The following STXBP5L variants were observed in gnomAD, a reference collection of about 807,000 sequenced individuals.
STXBP5L encodes syntaxin binding protein 5L.
STXBP5L carries 65 observed loss-of-function variants against 144.5 expected under a neutral mutation model. The ratio of observed to expected loss-of-function variants is 0.45; its 90% confidence interval spans 0.37 to 0.55. The LOEUF is 0.55. STXBP5L is among the 20% of genes least tolerant of loss of function. The pLI is 0.00. For synonymous variants in STXBP5L, 505 were observed against 469.6 expected, an observed-to-expected ratio of 1.08 and a Z score of -0.97; for missense variants, 1,298 against 1,405.5, an observed-to-expected ratio of 0.92 and a Z score of 1.22.
At chr3:121,309,953 T>C (rs1251028849) in intron 19 of STXBP5L, among the ~76,000 whole-genome samples, 1 of 152,082 alleles carries the variant, frequency 6.6e-6, no homozygotes, top group African/African-American at 2.4e-5. Flanking sequence ...TTAATTATGA[T>C]AGTGTGGTAA....
intron 20 of STXBP5L, among the ~76,000 whole-genome samples, chr3:121,367,495 G>A (rs1225403642): frequency 6.6e-6 from 1 of 150,718 alleles, no homozygotes; most frequent in Non-Finnish European, 1.5e-5. Context: ...TTCATAATCA[G>A]CATCAAGGAT....
chr3:121,166,117 G>C (rs1294501377), intron 9 of STXBP5L, among the ~76,000 whole-genome samples: 1 of 151,986 alleles, frequency 6.6e-6, no homozygotes, highest in East Asian at 1.9e-4. Context: ...TTGGACTCAA[G>C]TGATACTCCC....
At chr3:121,228,364 T>C (rs2049188710) in intron 11 of STXBP5L, among the ~76,000 whole-genome samples, 1 of 152,136 alleles carries the variant, frequency 6.6e-6, no homozygotes, top group Non-Finnish European at 1.5e-5. Flanking sequence ...CATAAAATAA[T>C]TCAGACACAT....
rs762986990 is a variant in STXBP5L, at chr3:121,407,531, C to A, written c.2876C>A (p.Ala959Glu). The A allele has an allele frequency of 1.2e-6, 2 of 1,613,254 alleles. No homozygotes were observed. The highest frequency in any genetic ancestry group is 1.6e-4 in the Middle Eastern group (1 of 6,082). Reference protein sequence around the residue: ...NITETSFILQANVVVMCSSAC... With the variant: ...NITETSFILQENVVVMCSSAC... ...ACGGAGACATCTTTTATACTGCAAG[C>A]AAATGTGGTGGTCATGTGTAGCAGT... Residue 959 changes from alanine to glutamate, a missense_variant, in exon 23 of 27, where the codon GCA becomes GAA. By Grantham distance (107) the Ala-to-Glu change is moderately radical (BLOSUM62 -1). Transcript: ENST00000471454.
At chr3:121,052,633 A>C (rs1948108103) in intron 5 of STXBP5L, among the ~76,000 whole-genome samples, 1 of 152,212 alleles carries the variant, frequency 6.6e-6, no homozygotes, top group South Asian at 2.1e-4. Context: ...ACCCACAGTC[A>C]ATATCATATT....
chr3:121,160,578 G>A (rs944018789), intron 9 of STXBP5L, among the ~76,000 whole-genome samples: 2 of 152,086 alleles, frequency 1.3e-5, no homozygotes, highest in Non-Finnish European at 2.9e-5. Context: ...ACAGACTTAA[G>A]CATTTGTGGA....
chr3:121,381,522 A>G lies in STXBP5L; in HGVS notation c.2577A>G (p.Val859=). 8 of 1,591,728 alleles carry G rather than the reference A, an allele frequency of 5.0e-6. No individual in the cohort carries two copies. Among genetic ancestry groups the G allele is most frequent in the Non-Finnish European group, 6.8e-6 (8 of 1,173,796 alleles). The change falls in exon 22 of 27, where the codon GTA becomes GTG. Residue 859 remains valine (V), a synonymous_variant. Transcript: ENST00000471454. ...DEQRFTEPVM[V]LPSGTFLSLK... Reference sequence around the variant, plus strand: ...AAAGGTTTACAGAGCCAGTCATGGTATTGCCAAGTGGTAAGAGTTTGTATT... The same window carrying G: ...AAAGGTTTACAGAGCCAGTCATGGTGTTGCCAAGTGGTAAGAGTTTGTATT...
intron 3 of STXBP5L, among the ~76,000 whole-genome samples, chr3:121,016,528 T>C (rs1945158551): frequency 6.6e-6 from 1 of 150,782 alleles, no homozygotes; most frequent in Non-Finnish European, 1.5e-5. Flanking sequence ...AGTTTGAAGA[T>C]AGATAAATAG....
chr3:121,273,641 T>C (rs1240253476), intron 18 of STXBP5L, among the ~76,000 whole-genome samples: 1 of 152,146 alleles, frequency 6.6e-6, no homozygotes, highest in Non-Finnish European at 1.5e-5. Context: ...ATGTGACTAT[T>C]GGTTCTCTTG....
chr3:121,354,412 A>G (rs909508014), intron 20 of STXBP5L, among the ~76,000 whole-genome samples: 1 of 151,512 alleles, frequency 6.6e-6, no homozygotes, highest in African/African-American at 2.4e-5. Flanking sequence ...TTCTTGTTGA[A>G]TTGAACCCTT....
chr3:121,018,253 AC>A (rs1429146902), intron 3 of STXBP5L, among the ~76,000 whole-genome samples: 3 of 152,174 alleles, frequency 2.0e-5, no homozygotes, highest in Admixed American at 6.5e-5. Context: ...ATGGCAAAAG[AC>A]CCAGAATAAC....
intron 5 of STXBP5L, among the ~76,000 whole-genome samples, chr3:121,055,454 G>A (rs947616763): frequency 2.6e-5 from 4 of 152,016 alleles, no homozygotes; most frequent in Non-Finnish European, 5.9e-5. Context: ...AATTTTTGAA[G>A]GCAGAATCCA....
intron 10 of STXBP5L, among the ~76,000 whole-genome samples, chr3:121,211,883 T>C (rs934761297): frequency 6.6e-6 from 1 of 152,132 alleles, no homozygotes; most frequent in South Asian, 2.1e-4. Flanking sequence ...CTGGCCTGTT[T>C]CCTGACTTTT....
At position 121,407,551 on chromosome 3, in the gene STXBP5L, A is replaced by G; in HGVS notation, c.2896A>G (p.Ser966Gly). The G allele has an allele frequency of 6.2e-7, 1 of 1,613,428 alleles. No individual in the cohort carries two copies. The highest frequency in any genetic ancestry group is 8.5e-7 in the Non-Finnish European group (1 of 1,179,586). The change falls in exon 23 of 27, where the codon AGC becomes GGC. Residue 966 changes from serine (S) to glycine (G), a missense_variant. Ser to Gly is a moderately conservative substitution (Grantham distance 56). Transcript: ENST00000471454. ...ILQANVVVMC[S>G]SACLACFCAN... Reference sequence around the variant, plus strand: ...GCAAGCAAATGTGGTGGTCATGTGTAGCAGTGCCTGCTTGGCATGCTTTTG... The same window carrying G: ...GCAAGCAAATGTGGTGGTCATGTGTGGCAGTGCCTGCTTGGCATGCTTTTG...
At position 121,021,983 on chromosome 3, in the gene STXBP5L, G is replaced by A. The variant is rs561683510; in HGVS notation, c.288-19717G>A. Among the ~76,000 whole-genome samples, 18 of 152,010 alleles carry A rather than the reference G, an allele frequency of 1.2e-4. 1 individual carries two copies. In the South Asian group the frequency reaches 3.7e-3, roughly 32 times the overall value. Reference sequence around the variant, plus strand: ...CAAAAGACAAATTAAACAAAAACTGGTACTTTGAAAAGATAAATAAAATTG... The same window carrying A: ...CAAAAGACAAATTAAACAAAAACTGATACTTTGAAAAGATAAATAAAATTG... On this transcript the variant is annotated intron_variant, in intron 3 of 26. Transcript: ENST00000471454.
chr3:121,350,470 G>C (rs749679624), intron 20 of STXBP5L, among the ~76,000 whole-genome samples: 1 of 152,030 alleles, frequency 6.6e-6, no homozygotes, highest in East Asian at 1.9e-4. Flanking sequence ...TATCTTTGTG[G>C]TGTTCTCTGT....
intron 5 of STXBP5L, chr3:121,049,640 G>A (rs769629295): frequency 8.4e-5 from 13 of 154,244 alleles, no homozygotes; most frequent in Non-Finnish European, 1.6e-4. Flanking sequence ...TAGTGTCCCA[G>A]GCCCATGGGT....
At chr3:121,413,964 C>A (rs1358886068) in intron 24 of STXBP5L, among the ~76,000 whole-genome samples, 1 of 152,124 alleles carries the variant, frequency 6.6e-6, no homozygotes, top group Non-Finnish European at 1.5e-5. Context: ...TGTATTTTGG[C>A]TCCTCCATTT....
intron 3 of STXBP5L, among the ~76,000 whole-genome samples, chr3:120,957,978 T>G (rs1023160995): frequency 4.0e-4 from 61 of 152,186 alleles, no homozygotes; most frequent in Admixed American, 3.2e-3. Flanking sequence ...AGCTGGTTTT[T>G]TGAAAAGATC....
Sources: allele counts gnomAD v4.1 joint callset (sites outside exome capture counted in the v4.1 genomes callset), GRCh38; gene constraint gnomAD v4.1.1; transcripts MANE v1.5; gene names NCBI Gene and HGNC (gene_info 2026-07-23, HGNC 2026-07-21).